Variants in PIAS1 observed in about 807,000 individuals in gnomAD.
The protein encoded by PIAS1 is E3 SUMO-protein ligase PIAS1.
PIAS1 carries 6 observed loss-of-function variants against 71.3 expected under a neutral mutation model. The observed-to-expected ratio is 0.08, with a 90% CI of 0.05 to 0.17. The LOEUF (loss-of-function observed/expected upper bound fraction) is 0.17, where lower values mean the gene tolerates loss of function less well. Ranked by LOEUF, PIAS1 falls within the 10% of genes least tolerant of loss-of-function variation. PIAS1 has a pLI of 1.00. For missense variants in PIAS1, 555 were observed against 793.6 expected, an observed-to-expected ratio of 0.70 and a Z score of 3.61; for synonymous variants, 303 against 292.9, an observed-to-expected ratio of 1.03 and a Z score of -0.35.
At chr15:68,149,378 C>G (rs1010773706) in intron 6 of PIAS1, among the ~76,000 whole-genome samples, 2 of 141,822 alleles carry the variant, frequency 1.4e-5, no homozygotes, top group Non-Finnish European at 3.1e-5. Flanking sequence ...AGTAGAATTA[C>G]TTTATCATAT....
intron 2 of PIAS1, among the ~76,000 whole-genome samples, chr15:68,116,307 T>A (rs1306665814): frequency 6.6e-6 from 1 of 152,126 alleles, no homozygotes; most frequent in African/African-American, 2.4e-5. Context: ...TTTTCTTAAG[T>A]AAACTTTGGT....
At chr15:68,073,522 G>A (rs2092124859) in intron 1 of PIAS1, among the ~76,000 whole-genome samples, 1 of 152,152 alleles carries the variant, frequency 6.6e-6, no homozygotes, top group Admixed American at 6.5e-5. Context: ...AAACAGGAGA[G>A]CACATAAAAG....
chr15:68,190,567 C>T lies in PIAS1; in HGVS notation c.*2732C>T, dbSNP rs2093114461. 6.6e-6 allele frequency: 1 copy of T among 152,094 alleles called. No homozygotes were observed. Among genetic ancestry groups the T allele is most frequent in the Non-Finnish European group, 1.5e-5 (1 of 68,024 alleles). The allele number at this position is 152,094 out of a possible 1,614,324, so 9.4% of individuals were successfully genotyped here. ...CAAATAGCAGTTCTCAGAATCTAGT[C>T]AAGTTGCCATCATCCCCCTTGCCTT... On this transcript the variant is annotated 3_prime_UTR_variant, in exon 14 of 14. Transcript: ENST00000249636. The surrounding 1 kb of genome is among the most constrained non-coding windows in gnomAD (Gnocchi z 4.7).
In PIAS1 at chr15:68,188,847, GCT is replaced by G. The variant is rs1448330065; in HGVS notation, c.*1015_*1016del. 2.0e-5 allele frequency: 3 copies of G among 152,168 alleles called. No homozygotes were observed. Among genetic ancestry groups the G allele is most frequent in the Non-Finnish European group, 4.4e-5 (3 of 68,034 alleles). 9.4% of individuals were successfully genotyped at this position (152,168 alleles called of 1,614,324 possible). On this transcript the variant is annotated 3_prime_UTR_variant, in exon 14 of 14. Transcript: ENST00000249636. The stretch of plus-strand genomic sequence containing the variant: ...GTAGGAAGTAAAAATAGCTTAGAAA[GCT>G]CTGTCAGGTGTTTTGTGCAGCTGAC...
Position 68,099,920 on chromosome 15 carries a change from C to T in PIAS1, c.469+13170C>T, listed in dbSNP as rs189481889. Among the ~76,000 whole-genome samples, 400 of 152,028 alleles carry T rather than the reference C, an allele frequency of 2.6e-3. 1 individual carries two copies. The highest frequency in any genetic ancestry group is 0.01 in the Middle Eastern group (3 of 294). On this transcript the variant is annotated intron_variant, in intron 2 of 13. Coordinates refer to ENST00000249636, the MANE Select transcript of PIAS1 (RefSeq NM_016166.3). Reference sequence around the variant, plus strand: ...TTCCACATACTTATTTGCCATCTGTCGACATACTTATACTCTTTGGTGAAA... The same window carrying T: ...TTCCACATACTTATTTGCCATCTGTTGACATACTTATACTCTTTGGTGAAA...
chr15:68,123,224 T>A (rs753048493), intron 2 of PIAS1, among the ~76,000 whole-genome samples: 2 of 150,176 alleles, frequency 1.3e-5, no homozygotes, highest in African/African-American at 4.9e-5. Context: ...GGCACATTTT[T>A]AAAACTTTTT....
Position 68,054,786 on chromosome 15 carries a change from G to T in PIAS1, c.24+436G>T, listed in dbSNP as rs2091877555. On this transcript the variant is annotated intron_variant, in intron 1 of 13. Transcript: ENST00000249636. This position sits in a 1 kb window ranked among gnomAD's most constrained non-coding sequence, Gnocchi z 4.6. ...TCCTCTTCCTCCTTTGCAGTCCCGG[G>T]CTCCTGTCAGGCGCTCTTCTCAGAC... 6.5e-6 allele frequency: 1 copy of T among 154,810 alleles called. No individual in the cohort carries two copies. The highest frequency in any genetic ancestry group is 1.4e-5 in the Non-Finnish European group (1 of 69,742). The allele number at this position is 154,810 out of a possible 1,614,324, so 9.6% of individuals were successfully genotyped here. A position where few individuals can be genotyped will look rare whatever the true frequency, so the allele number is the denominator to read the frequency against.
intron 1 of PIAS1, among the ~76,000 whole-genome samples, chr15:68,059,082 G>C (rs1287160473): frequency 6.9e-6 from 1 of 145,326 alleles, no homozygotes; most frequent in African/African-American, 2.6e-5. Context: ...TCGGCGCACT[G>C]CAAGCTCCGC....
At chr15:68,074,305 CT>C (rs1400662889) in intron 1 of PIAS1, among the ~76,000 whole-genome samples, 4 of 151,832 alleles carry the variant, frequency 2.6e-5, no homozygotes, top group South Asian at 2.1e-4. Flanking sequence ...TTTATCTCTA[CT>C]TTTTTTTCCT....
At chr15:68,075,078 C>CTTTCTT in intron 1 of PIAS1, among the ~76,000 whole-genome samples, 1 of 81,766 alleles carries the variant, frequency 1.2e-5, no homozygotes, top group Non-Finnish European at 2.4e-5. Flanking sequence ...TTCTTTCTTT[C>CTTTCTT]TTTTTTTTTT....
Position 68,084,717 on chromosome 15 carries a change from T to C in PIAS1, c.25-1589T>C, listed in dbSNP as rs2092263420. On this transcript the variant is annotated intron_variant, in intron 1 of 13. Transcript: ENST00000249636. Reference sequence around the variant, plus strand: ...ATGCAGGCATTTGAAGAGTTTCCACTGTTGTCAGGCCCTAGTTGTAGATGC... The same window carrying C: ...ATGCAGGCATTTGAAGAGTTTCCACCGTTGTCAGGCCCTAGTTGTAGATGC... 2.0e-5 allele frequency among the ~76,000 whole-genome samples: 3 copies of C among 152,180 alleles called. No individual in the cohort carries two copies. In the South Asian group the frequency reaches 6.2e-4, roughly 32 times the overall value.
intron 2 of PIAS1, among the ~76,000 whole-genome samples, chr15:68,133,404 C>T (rs1250693671): frequency 1.3e-5 from 2 of 151,446 alleles, no homozygotes; most frequent in Non-Finnish European, 2.9e-5. Context: ...AAAATCATAA[C>T]AAAAAGATTT....
chr15:68,147,979 C>T (rs1404386507), intron 6 of PIAS1, among the ~76,000 whole-genome samples: 1 of 152,040 alleles, frequency 6.6e-6, no homozygotes, highest in East Asian at 1.9e-4. Flanking sequence ...GAATGCTTAC[C>T]ATGTGTCATC....
rs1163292141 is a variant in PIAS1, at chr15:68,186,998, C to T, written c.1663-544C>T. 2.0e-5 allele frequency among the ~76,000 whole-genome samples: 3 copies of T among 152,162 alleles called. No homozygotes were observed. Among genetic ancestry groups the T allele is most frequent in the Non-Finnish European group, 4.4e-5 (3 of 68,024 alleles). ...CTGTATTTAAAAGTATAATGTGTAG[C>T]CAAGAGAAAGATAAATTTCCTTGGA... On this transcript the variant is annotated intron_variant, in intron 13 of 13. Coordinates refer to ENST00000249636, the MANE Select transcript of PIAS1 (RefSeq NM_016166.3). The surrounding 1 kb of genome is among the most constrained non-coding windows in gnomAD (Gnocchi z 4.4).
At position 68,193,327 on chromosome 15, in the gene PIAS1, A is replaced by T. The variant is rs1004854033; in HGVS notation, c.*5492A>T. The T allele has an allele frequency of 6.6e-6, 1 of 152,284 alleles. No homozygotes were observed. The allele number at this position is 152,284 out of a possible 1,614,324, so 9.4% of individuals were successfully genotyped here. A position where few individuals can be genotyped will look rare whatever the true frequency, so the allele number is the denominator to read the frequency against. On this transcript the variant is annotated 3_prime_UTR_variant, in exon 14 of 14. Transcript: ENST00000249636. ...AGATCGCTCTTCCTGCTCTCAGCTG[A>T]TGCTGCCTCATTGTAGCATGTGTTT...
intron 2 of PIAS1, among the ~76,000 whole-genome samples, chr15:68,117,547 CT>C (rs2092576030): frequency 6.6e-6 from 1 of 152,230 alleles, no homozygotes; most frequent in Non-Finnish European, 1.5e-5. Flanking sequence ...TCTCGTACCC[CT>C]ATTCTATTCT....
intron 2 of PIAS1, among the ~76,000 whole-genome samples, chr15:68,093,933 T>A (rs1304372146): frequency 1.4e-5 from 2 of 141,744 alleles, no homozygotes; most frequent in Non-Finnish European, 3.3e-5. Flanking sequence ...GTTTAGAAAG[T>A]GTTTGGACGC....
In PIAS1 at chr15:68,077,329, ATT is replaced by A. The variant is rs546898001; in HGVS notation, c.25-8975_25-8974del. ...AGACTAGTCACACCATATCTAGATT[ATT>A]TCATTCACTTCTGAGTACTATGGAC... is the stretch of plus-strand genomic sequence containing the variant. On this transcript the variant is annotated intron_variant, in intron 1 of 13. Coordinates refer to ENST00000249636, the MANE Select transcript of PIAS1 (RefSeq NM_016166.3). Among the ~76,000 whole-genome samples, 3 of 152,366 alleles carry A rather than the reference ATT, an allele frequency of 2.0e-5. No homozygotes were observed. In the South Asian group the frequency reaches 6.2e-4, roughly 32 times the overall value.
chr15:68,102,574 A>T (rs921314301), intron 2 of PIAS1, among the ~76,000 whole-genome samples: 8 of 152,232 alleles, frequency 5.3e-5, no homozygotes, highest in Non-Finnish European at 7.3e-5. Flanking sequence ...CCAGTATATG[A>T]ACATGGTATG....
Sources: allele counts gnomAD v4.1 joint callset (sites outside exome capture counted in the v4.1 genomes callset), GRCh38; gene constraint gnomAD v4.1.1; non-coding constraint Gnocchi (gnomAD v3.1); transcripts MANE v1.5; gene names NCBI Gene and HGNC (gene_info 2026-07-23, HGNC 2026-07-21).